NAA35: variants seen among roughly 807,000 people sequenced by gnomAD.
NAA35 encodes MAK10 homolog, amino-acid N-acetyltransferase subunit.
Under a neutral mutation model 101.7 loss-of-function variants are expected in NAA35, and 18 were observed. The observed-to-expected ratio is 0.18, with a 90% CI of 0.12 to 0.26. The LOEUF (loss-of-function observed/expected upper bound fraction) is 0.26. Among genes scored for constraint, NAA35 ranks in the 10% least tolerant of loss-of-function variants. NAA35 has a pLI of 1.00. For missense variants in NAA35, 601 were observed against 886.8 expected, an observed-to-expected ratio of 0.68 and a Z score of 4.09; for synonymous variants, 267 against 273.1, an observed-to-expected ratio of 0.98 and a Z score of 0.22.
At position 86,023,845 on chromosome 9, in the gene NAA35, A is replaced by G. The variant is rs1014444998; in HGVS notation, c.*1885A>G. Among the ~76,000 whole-genome samples, 2 of 152,210 alleles carry G rather than the reference A, an allele frequency of 1.3e-5. No individual in the cohort carries two copies. Among genetic ancestry groups the G allele is most frequent in the African/African-American group, 4.8e-5 (2 of 41,458 alleles). On this transcript the variant is annotated 3_prime_UTR_variant, in exon 23 of 23. Transcript: ENST00000361671. Reference sequence around the variant, plus strand: ...CATGTGGTTTCCTTTAAGTAGCTTTAATTTTTGGTTTTTAGTTTGTTTAGA... The same window carrying G: ...CATGTGGTTTCCTTTAAGTAGCTTTGATTTTTGGTTTTTAGTTTGTTTAGA...
chr9:86,018,446 T>C, intron 20 of NAA35, 51 bp downstream of exon 20: 1 of 1,563,590 alleles, frequency 6.4e-7, no homozygotes, highest in Non-Finnish European at 8.7e-7. Context: ...TAGACCTTCT[T>C]AGAGAGATGC....
At position 86,018,686 on chromosome 9, in the gene NAA35, C is replaced by G; in HGVS notation, c.1915-13C>G. ...TTAAACGTGTTTTGAATTATACTTC[C>G]CCTTCTTTTTAGGAAATGTCTGACC... is the stretch of plus-strand genomic sequence containing the variant. On this transcript the variant is annotated splice_polypyrimidine_tract_variant and intron_variant, in intron 20 of 22. Coordinates refer to ENST00000361671, the MANE Select transcript of NAA35 (RefSeq NM_024635.4). 6.2e-7 allele frequency: 1 copy of G among 1,606,234 alleles called. No homozygotes were observed. The highest frequency in any genetic ancestry group is 1.3e-5 in the African/African-American group (1 of 74,606).
chr9:85,942,156 C>CA lies in NAA35; in HGVS notation c.-3dup. ...CTTACATCAGTATTAATTTTACAGG[C>CA]ATAATGGTTATGAAAGCTTCTGTAG... is the stretch of plus-strand genomic sequence containing the variant. On this transcript the variant is annotated splice_region_variant and 5_prime_UTR_variant, in exon 2 of 23. Transcript: ENST00000361671. 6.2e-7 allele frequency: 1 copy of CA among 1,613,188 alleles called. No individual in the cohort carries two copies. Among genetic ancestry groups the CA allele is most frequent in the Non-Finnish European group, 8.5e-7 (1 of 1,179,754 alleles).
At chr9:85,976,887 A>G in intron 9 of NAA35, 152 bp downstream of exon 9, 1 of 567,698 alleles carries the variant, frequency 1.8e-6, no homozygotes, top group South Asian at 2.3e-5. Flanking sequence ...CCTTGTATTT[A>G]TTTTGATAGA....
intron 2 of NAA35, among the ~76,000 whole-genome samples, chr9:85,947,787 A>C (rs1325835967): frequency 6.6e-6 from 1 of 151,798 alleles, no homozygotes; most frequent in African/African-American, 2.4e-5. Context: ...GATTACTTTC[A>C]AGAAGGTTCA....
At chr9:86,008,654 T>C (rs1382547039) in intron 14 of NAA35, among the ~76,000 whole-genome samples, 1 of 152,250 alleles carries the variant, frequency 6.6e-6, no homozygotes, top group Admixed American at 6.5e-5. Flanking sequence ...AGAAACTTTA[T>C]GGAACATAAA....
intron 2 of NAA35, among the ~76,000 whole-genome samples, chr9:85,952,380 G>A (rs1829058379): frequency 6.6e-6 from 1 of 151,104 alleles, no homozygotes. Context: ...CTACCTCCTG[G>A]GTTCAAATGA....
chr9:85,952,747 C>G (rs1288250852), intron 2 of NAA35, among the ~76,000 whole-genome samples: 2 of 152,022 alleles, frequency 1.3e-5, no homozygotes, highest in Non-Finnish European at 2.9e-5. Flanking sequence ...AGTGAGGTAC[C>G]TTATGGTGCA....
intron 2 of NAA35, among the ~76,000 whole-genome samples, chr9:85,955,343 TATATATATATATATA>T (rs1829202319): frequency 2.3e-4 from 16 of 68,826 alleles, no homozygotes; most frequent in South Asian, 4.4e-4. Flanking sequence ...TATATATATA[TATATATATATATATA>T]TATTTTTTTT....
At chr9:85,973,193 ATG>A (rs1249061953) in intron 6 of NAA35, among the ~76,000 whole-genome samples, 1 of 152,192 alleles carries the variant, frequency 6.6e-6, no homozygotes, top group Non-Finnish European at 1.5e-5. Context: ...AGTGCAGTGA[ATG>A]TGAAGTGGTA....
At chr9:85,944,388 A>G (rs1412940471) in intron 2 of NAA35, among the ~76,000 whole-genome samples, 1 of 152,244 alleles carries the variant, frequency 6.6e-6, no homozygotes, top group African/African-American at 2.4e-5. Flanking sequence ...AGCATAATTT[A>G]TGATGGATTA....
chr9:86,019,443 G>A (rs1832410978), intron 21 of NAA35, among the ~76,000 whole-genome samples: 2 of 152,108 alleles, frequency 1.3e-5, no homozygotes, highest in South Asian at 2.1e-4. Flanking sequence ...CCTGGGTGAC[G>A]AGCGAAACTC....
intron 12 of NAA35, among the ~76,000 whole-genome samples, chr9:85,998,364 T>C (rs1230426792): frequency 6.6e-6 from 1 of 152,176 alleles, no homozygotes; most frequent in African/African-American, 2.4e-5. Flanking sequence ...GGCTGTGTGG[T>C]ATTCCATTTT....
intron 15 of NAA35, among the ~76,000 whole-genome samples, chr9:86,011,950 G>T (rs1831948237): frequency 7.5e-6 from 1 of 134,082 alleles, no homozygotes; most frequent in Non-Finnish European, 1.6e-5. Flanking sequence ...ATATAATATA[G>T]TATATAATAT....
At chr9:86,015,296 T>G (rs1832153506) in intron 17 of NAA35, among the ~76,000 whole-genome samples, 1 of 152,198 alleles carries the variant, frequency 6.6e-6, no homozygotes, top group African/African-American at 2.4e-5. Context: ...AGAACTTTAG[T>G]CTGCCCATAA....
At chr9:85,981,672 C>T (rs560415139) in intron 11 of NAA35, among the ~76,000 whole-genome samples, 20 of 152,192 alleles carry the variant, frequency 1.3e-4, no homozygotes, top group Admixed American at 3.9e-4. Context: ...TGTAATCTTA[C>T]GACTAAGCAA....
chr9:85,991,860 A>G (rs1163044726), intron 11 of NAA35, among the ~76,000 whole-genome samples: 2 of 152,152 alleles, frequency 1.3e-5, no homozygotes, highest in African/African-American at 2.4e-5. Context: ...CTGTACCCAA[A>G]TATCATAAGT....
chr9:86,006,541 T>G (rs1276371677), intron 13 of NAA35, among the ~76,000 whole-genome samples: 2 of 152,160 alleles, frequency 1.3e-5, no homozygotes, highest in Admixed American at 1.3e-4. Context: ...TAAAAGAAGC[T>G]GGACTCAAAA....
At chr9:85,990,056 C>T (rs1830836029) in intron 11 of NAA35, among the ~76,000 whole-genome samples, 1 of 152,186 alleles carries the variant, frequency 6.6e-6, no homozygotes, top group Admixed American at 6.5e-5. Context: ...GTTTACTTAG[C>T]TCATGGTTCT....
Sources: allele counts gnomAD v4.1 joint callset (sites outside exome capture counted in the v4.1 genomes callset), GRCh38; gene constraint gnomAD v4.1.1; transcripts MANE v1.5; gene names NCBI Gene and HGNC (gene_info 2026-07-23, HGNC 2026-07-21).